GNG4: variants seen among roughly 807,000 people sequenced by gnomAD.
GNG4 encodes the protein guanine nucleotide-binding protein G(I)/G(S)/G(O) subunit gamma-4.
A neutral mutation model predicts 5.8 loss-of-function variants in GNG4; 4 were observed. That is an observed-to-expected ratio of 0.69 (90% CI 0.34 to 1.57). GNG4 has a LOEUF of 1.57. Among genes scored for constraint, GNG4 ranks in the 40% most tolerant of loss-of-function variants. The probability of loss-of-function intolerance (pLI) is 0.06; values close to 1 mark genes in which losing one functional copy is unlikely to be tolerated. For synonymous variants in GNG4, 29 were observed against 32.9 expected, an observed-to-expected ratio of 0.88 and a Z score of 0.41; for missense variants, 96 against 95.1, an observed-to-expected ratio of 1.01 and a Z score of -0.04.
At chr1:235,641,965 T>C (rs1448399577) in intron 1 of GNG4, among the ~76,000 whole-genome samples, 4 of 152,234 alleles carry the variant, frequency 2.6e-5, no homozygotes, top group African/African-American at 4.8e-5. Context: ...TGACTTCTTA[T>C]CATTGGTCTG....
chr1:235,567,471 T>C (rs1387097691), intron 3 of GNG4, among the ~76,000 whole-genome samples: 1 of 152,162 alleles, frequency 6.6e-6, no homozygotes, highest in Non-Finnish European at 1.5e-5. Context: ...CTCCATTCTC[T>C]CCTTCCCCCA....
intron 1 of GNG4, among the ~76,000 whole-genome samples, chr1:235,639,978 C>T (rs1657274873): frequency 6.6e-6 from 1 of 152,120 alleles, no homozygotes; most frequent in South Asian, 2.1e-4. Flanking sequence ...TTTGGGGTGT[C>T]CAGAACCTCA....
chr1:235,597,588 CTGTGTGTGTGTGTGTG>C (rs386417904), intron 1 of GNG4, among the ~76,000 whole-genome samples: 12 of 74,264 alleles, frequency 1.6e-4, no homozygotes, highest in South Asian at 6.3e-4. Context: ...AACTTGTTTG[CTGTGTGTGTGTGTGTG>C]TGTGTGTGTG....
rs1048270113 is a variant in GNG4 at position 235,648,670 on chromosome 1, G to A, written c.-123+992C>T. On this transcript the variant is annotated intron_variant, in intron 1 of 3. Coordinates refer to ENST00000391854, the MANE Select transcript of GNG4 (RefSeq NM_001098722.2). This position sits in a 1 kb window ranked among gnomAD's most constrained non-coding sequence, Gnocchi z 5.0. Reference sequence around the variant, plus strand: ...CACTCATGAGCAGACGACAGGACTGGCACGTTTTAATGGAGCACACGGGCG... The same window carrying A: ...CACTCATGAGCAGACGACAGGACTGACACGTTTTAATGGAGCACACGGGCG... Among the ~76,000 whole-genome samples, 3 of 152,212 alleles carry A rather than the reference G, an allele frequency of 2.0e-5. No homozygotes were observed. Among genetic ancestry groups the A allele is most frequent in the Admixed American group, 6.5e-5 (1 of 15,282 alleles).
At chr1:235,630,114 T>C (rs7513759) in intron 1 of GNG4, among the ~76,000 whole-genome samples, 1,575 of 152,344 alleles carry the variant, frequency 0.01, 21 homozygotes, top group African/African-American at 0.034. Context: ...GATACTACAA[T>C]AGGATTAGAG....
chr1:235,606,851 TG>T (rs774806998), intron 1 of GNG4, among the ~76,000 whole-genome samples: 1 of 150,556 alleles, frequency 6.6e-6, no homozygotes, highest in Non-Finnish European at 1.5e-5. Context: ...CAAAGCAGCA[TG>T]GGGGGGCGAG....
chr1:235,629,285 G>T (rs893733725), intron 1 of GNG4, among the ~76,000 whole-genome samples: 3 of 152,028 alleles, frequency 2.0e-5, no homozygotes, highest in Admixed American at 1.3e-4. Flanking sequence ...AAAGTGCTGG[G>T]ATTACAGGTG....
At chr1:235,596,896 CTT>C (rs796171049) in intron 1 of GNG4, among the ~76,000 whole-genome samples, 1 of 144,944 alleles carries the variant, frequency 6.9e-6, no homozygotes, top group Admixed American at 6.9e-5. Context: ...CTAATTTTTA[CTT>C]TTTTTTTTTT....
At chr1:235,599,561 C>A (rs1018240910) in intron 1 of GNG4, among the ~76,000 whole-genome samples, 3 of 152,106 alleles carry the variant, frequency 2.0e-5, no homozygotes, top group Non-Finnish European at 2.9e-5. Context: ...AGTGATCCGC[C>A]CACCTTGGCC....
chr1:235,587,088 G>A (rs759903202), intron 2 of GNG4, among the ~76,000 whole-genome samples: 7 of 151,812 alleles, frequency 4.6e-5, no homozygotes, highest in African/African-American at 9.7e-5. Flanking sequence ...GCAAAGGGAG[G>A]AGGGGAGGGC....
intron 3 of GNG4, among the ~76,000 whole-genome samples, chr1:235,554,496 G>C (rs1686839638): frequency 6.6e-6 from 1 of 152,180 alleles, no homozygotes; most frequent in South Asian, 2.1e-4. Context: ...CTGTCCTCTT[G>C]GGTTTGCTAA....
intron 2 of GNG4, among the ~76,000 whole-genome samples, chr1:235,587,887 GT>G (rs1363215664): frequency 6.6e-6 from 1 of 151,184 alleles, no homozygotes; most frequent in African/African-American, 2.4e-5. Flanking sequence ...TGGGGGGTGT[GT>G]TTGTGTCTGG....
chr1:235,554,845 C>CAAAAA (rs34093722), intron 3 of GNG4, among the ~76,000 whole-genome samples: 1 of 84,398 alleles, frequency 1.2e-5, no homozygotes, highest in Non-Finnish European at 2.3e-5. Context: ...AACTCCATCT[C>CAAAAA]AAAAAAAAAA....
intron 3 of GNG4, among the ~76,000 whole-genome samples, chr1:235,570,394 CTTTTTTTTTTTT>C (rs11459490): frequency 3.8e-5 from 4 of 105,556 alleles, no homozygotes; most frequent in Non-Finnish European, 5.3e-5. Context: ...TTCACCTCTT[CTTTTTTTTTTTT>C]TTTTTTTTGA....
At chr1:235,580,717 C>T (rs1274388254) in intron 3 of GNG4, among the ~76,000 whole-genome samples, 1 of 148,594 alleles carries the variant, frequency 6.7e-6, no homozygotes, top group East Asian at 2.0e-4. Flanking sequence ...ATGGTCAGCA[C>T]AGCAACATGG....
intron 2 of GNG4, among the ~76,000 whole-genome samples, chr1:235,595,071 A>T (rs1057297583): frequency 2.0e-5 from 3 of 151,522 alleles, no homozygotes; most frequent in African/African-American, 4.9e-5. Flanking sequence ...CTTTTCCCAC[A>T]GGGAAGCACA....
intron 1 of GNG4, among the ~76,000 whole-genome samples, chr1:235,626,893 A>C (rs1024315983): frequency 1.5e-5 from 2 of 131,074 alleles, no homozygotes; most frequent in African/African-American, 5.6e-5. Context: ...CAGGAGGTGG[A>C]GTTTGCAGTG....
At chr1:235,616,250 A>G in intron 1 of GNG4, 1 of 502,484 alleles carries the variant, frequency 2.0e-6, no homozygotes, top group East Asian at 5.5e-5. Flanking sequence ...TGTGGTTGAT[A>G]TGTTCCCTGA....
rs143958257 is a variant in GNG4 at position 235,570,862 on chromosome 1, A to ATATGTGTGTGTG, written c.99+12877_99+12878insCACACACACATA. On this transcript the variant is annotated intron_variant, in intron 3 of 3. Coordinates refer to ENST00000391854, the MANE Select transcript of GNG4 (RefSeq NM_001098722.2). Reference sequence around the variant, plus strand: ...CATATCCAGCTAATTATATATATATATGTGTGTGTGTGTGTGTGTATATGT... The same window carrying ATATGTGTGTGTG: ...CATATCCAGCTAATTATATATATATATATGTGTGTGTGTGTGTGTGTGTGTGTGTGTATATGT... Among the ~76,000 whole-genome samples the ATATGTGTGTGTG allele has an allele frequency of 4.2e-3, 595 of 141,562 alleles. 5 individuals are homozygous for ATATGTGTGTGTG. The highest frequency in any genetic ancestry group is 0.015 in the South Asian group (66 of 4,394). The allele number at this position is 141,562 out of a possible 152,430, so 92.9% of individuals were successfully genotyped here.
Sources: allele counts gnomAD v4.1 joint callset (sites outside exome capture counted in the v4.1 genomes callset), GRCh38; gene constraint gnomAD v4.1.1; non-coding constraint Gnocchi (gnomAD v3.1); transcripts MANE v1.5; gene names NCBI Gene and HGNC (gene_info 2026-07-23, HGNC 2026-07-21).